Variants in GALNTL6 observed in about 807,000 individuals in gnomAD.
The protein encoded by GALNTL6 is polypeptide N-acetylgalactosaminyltransferase like 6.
In GALNTL6, 46 loss-of-function variants were observed where a neutral mutation model predicts 73.7. That is an observed-to-expected ratio of 0.62 (90% CI 0.49 to 0.80). GALNTL6 has a LOEUF of 0.80. GALNTL6 is among the 30% of genes least tolerant of loss of function. The pLI is 0.00. For synonymous variants in GALNTL6, 259 were observed against 263.7 expected (o/e 0.98, Z 0.17); for missense variants, 604 against 755.0 (o/e 0.80, Z 2.34).
intron 2 of GALNTL6, among the ~76,000 whole-genome samples, chr4:171,891,433 A>G (rs1183979640): frequency 6.6e-6 from 1 of 152,172 alleles, no homozygotes; most frequent in African/African-American, 2.4e-5. Flanking sequence ...GCATTTTAAA[A>G]TTATTTGTAT....
chr4:172,745,718 G>A (rs1230726757), intron 5 of GALNTL6, among the ~76,000 whole-genome samples: 3 of 152,078 alleles, frequency 2.0e-5, no homozygotes, highest in Admixed American at 6.6e-5. Flanking sequence ...GATTGGAGTC[G>A]TGGCAGGAGA....
chr4:172,092,870 CTTTTCTTT>C (rs964963894), intron 2 of GALNTL6, among the ~76,000 whole-genome samples: 17 of 141,432 alleles, frequency 1.2e-4, no homozygotes, highest in Admixed American at 9.9e-4. Context: ...AATTTTTTTT[CTTTTCTTT>C]TTTTTTTTTT....
chr4:172,547,777 A>G (rs1278307976), intron 5 of GALNTL6, among the ~76,000 whole-genome samples: 1 of 152,192 alleles, frequency 6.6e-6, no homozygotes. Flanking sequence ...TAGAAATGTA[A>G]CTTTTCATTC....
At chr4:172,657,880 G>A (rs1382223555) in intron 5 of GALNTL6, among the ~76,000 whole-genome samples, 5 of 152,148 alleles carry the variant, frequency 3.3e-5, no homozygotes, top group African/African-American at 9.7e-5. Flanking sequence ...GCCGGGCGCC[G>A]TGGCTCACGC....
At chr4:172,886,495 G>C (rs1262847363) in intron 8 of GALNTL6, among the ~76,000 whole-genome samples, 3 of 152,070 alleles carry the variant, frequency 2.0e-5, no homozygotes, top group African/African-American at 7.3e-5. Context: ...GCTGGACGCG[G>C]TGGCTCACGA....
intron 5 of GALNTL6, among the ~76,000 whole-genome samples, chr4:172,561,617 A>G (rs935365649): frequency 2.6e-5 from 4 of 152,232 alleles, no homozygotes; most frequent in African/African-American, 7.2e-5. Flanking sequence ...ACACTCAGTC[A>G]GAAAAAGTTT....
In GALNTL6 at chr4:172,605,423, G is replaced by C. The variant is rs73869559; in HGVS notation, c.554-203938G>C. Among the ~76,000 whole-genome samples the C allele has an allele frequency of 8.7e-3, 1,317 of 152,196 alleles. 16 individuals are homozygous for C. The highest frequency in any genetic ancestry group is 0.027 in the African/African-American group (1,106 of 41,522). On this transcript the variant is annotated intron_variant, in intron 5 of 12. Coordinates refer to ENST00000506823, the MANE Select transcript of GALNTL6 (RefSeq NM_001034845.3). ...CTTGATGAGGAATCAGATTAATGGGGGAGATAGACATGGGGAGATAAGTGG... is the reference window on the plus strand; with the variant it reads ...CTTGATGAGGAATCAGATTAATGGGCGAGATAGACATGGGGAGATAAGTGG...
intron 10 of GALNTL6, among the ~76,000 whole-genome samples, chr4:173,000,454 C>T (rs761551087): frequency 2.0e-5 from 3 of 152,084 alleles, no homozygotes; most frequent in Non-Finnish European, 2.9e-5. Flanking sequence ...GATTTAAAAA[C>T]GTGTTATTGT....
intron 5 of GALNTL6, chr4:172,668,859 A>C (rs1467854486): frequency 6.6e-6 from 1 of 152,160 alleles, no homozygotes; most frequent in East Asian, 1.9e-4. Flanking sequence ...CTAAGACAAG[A>C]GGTTCTGAGC....
intron 5 of GALNTL6, among the ~76,000 whole-genome samples, chr4:172,753,559 A>T (rs1469880490): frequency 6.6e-6 from 1 of 152,140 alleles, no homozygotes; most frequent in Non-Finnish European, 1.5e-5. Flanking sequence ...CTATTGCAAG[A>T]TTTCCCAATT....
At chr4:172,342,888 T>C (rs912944211) in intron 4 of GALNTL6, among the ~76,000 whole-genome samples, 17 of 152,152 alleles carry the variant, frequency 1.1e-4, no homozygotes, top group African/African-American at 4.1e-4. Context: ...CAATGTGCCA[T>C]TTTAGGGATA....
chr4:172,698,905 T>G (rs897739096), intron 5 of GALNTL6, among the ~76,000 whole-genome samples: 1 of 152,146 alleles, frequency 6.6e-6, no homozygotes, highest in Non-Finnish European at 1.5e-5. Context: ...CTCCCACGCC[T>G]TTTTTGCAAG....
chr4:172,647,479 C>G (rs1740292097), intron 5 of GALNTL6, among the ~76,000 whole-genome samples: 1 of 152,036 alleles, frequency 6.6e-6, no homozygotes, highest in Non-Finnish European at 1.5e-5. Context: ...AAACCTTTCT[C>G]TACCCCAGAG....
chr4:172,579,855 AAGGG>A (rs1375979444), intron 5 of GALNTL6, among the ~76,000 whole-genome samples: 4 of 142,064 alleles, frequency 2.8e-5, no homozygotes, highest in Non-Finnish European at 3.1e-5. Flanking sequence ...GGAAAGAAAG[AAGGG>A]AGGGAGGGAG....
chr4:172,616,354 C>G (rs558032705), intron 5 of GALNTL6, among the ~76,000 whole-genome samples: 4 of 151,958 alleles, frequency 2.6e-5, no homozygotes, highest in African/African-American at 7.3e-5. Flanking sequence ...TAACTGACTT[C>G]TTCAGAATGT....
chr4:172,026,570 A>T (rs1342597567), intron 2 of GALNTL6, among the ~76,000 whole-genome samples: 1 of 152,168 alleles, frequency 6.6e-6, no homozygotes, highest in Admixed American at 6.5e-5. Flanking sequence ...AAACATATAT[A>T]GTATTTCATT....
intron 5 of GALNTL6, among the ~76,000 whole-genome samples, chr4:172,761,136 G>A (rs964803840): frequency 6.6e-6 from 1 of 152,068 alleles, no homozygotes; most frequent in African/African-American, 2.4e-5. Context: ...CCCTTCTATA[G>A]CCTGTTCCCA....
chr4:172,099,838 C>T (rs1310159772), intron 2 of GALNTL6, among the ~76,000 whole-genome samples: 1 of 152,014 alleles, frequency 6.6e-6, no homozygotes, highest in Admixed American at 6.6e-5. Context: ...TGCATGAAAC[C>T]ACGATCATTT....
chr4:172,155,237 A>T (rs1734219024), intron 2 of GALNTL6, among the ~76,000 whole-genome samples: 2 of 152,092 alleles, frequency 1.3e-5, no homozygotes, highest in Non-Finnish European at 2.9e-5. Flanking sequence ...ACTTCAAGTG[A>T]TCCACCCGCC....
Sources: allele counts gnomAD v4.1 joint callset (sites outside exome capture counted in the v4.1 genomes callset), GRCh38; gene constraint gnomAD v4.1.1; transcripts MANE v1.5; gene names NCBI Gene and HGNC (gene_info 2026-07-23, HGNC 2026-07-21).